TTC23: variants seen among roughly 807,000 people sequenced by gnomAD.
The protein encoded by TTC23 is tetratricopeptide repeat protein 23.
In TTC23, 58 loss-of-function variants were observed where a neutral mutation model predicts 55.1. The observed-to-expected ratio is 1.05, with a 90% CI of 0.85 to 1.31. TTC23 has a LOEUF of 1.31. TTC23 is among the 50% of genes most tolerant of loss of function. The pLI, the probability that TTC23 is intolerant of heterozygous loss-of-function variation, is 0.00. For synonymous variants in TTC23, 203 were observed against 199.9 expected (o/e 1.02, Z -0.13); for missense variants, 516 against 534.4 (o/e 0.97, Z 0.34).
chr15:99,194,552 CAAAA>C (rs760038465), intron 9 of TTC23, among the ~76,000 whole-genome samples: 2 of 40,452 alleles, frequency 4.9e-5, no homozygotes, highest in African/African-American at 1.8e-4. Flanking sequence ...ACATCACGTG[CAAAA>C]AAAAAAAAAA....
At chr15:99,146,022 T>C (rs1455978556) in intron 12 of TTC23, among the ~76,000 whole-genome samples, 1 of 152,210 alleles carries the variant, frequency 6.6e-6, no homozygotes, top group Admixed American at 6.5e-5. Context: ...CACCTCCAGG[T>C]TGCCAAGTCC....
At chr15:99,244,775 G>C (rs2080098976) in intron 2 of TTC23, among the ~76,000 whole-genome samples, 1 of 152,010 alleles carries the variant, frequency 6.6e-6, no homozygotes, top group Admixed American at 6.6e-5. Context: ...TTAACAAGTT[G>C]ATCCTTATTA....
intron 3 of TTC23, among the ~76,000 whole-genome samples, chr15:99,237,898 T>A (rs1243301494): frequency 6.6e-6 from 1 of 152,170 alleles, no homozygotes; most frequent in Admixed American, 6.5e-5. Flanking sequence ...CTCTTCAAAC[T>A]CCAATTCCAT....
intron 9 of TTC23, among the ~76,000 whole-genome samples, chr15:99,179,231 AC>A (rs2151941331): frequency 6.6e-6 from 1 of 151,988 alleles, no homozygotes; most frequent in South Asian, 2.1e-4. Flanking sequence ...CACACTCCAG[AC>A]CTCATCATCG....
chr15:99,214,233 T>C (rs2077266511), intron 8 of TTC23, among the ~76,000 whole-genome samples: 1 of 151,336 alleles, frequency 6.6e-6, no homozygotes, highest in Non-Finnish European at 1.5e-5. Flanking sequence ...CCCGGCCGGG[T>C]GCGGTGGCTC....
At chr15:99,219,310 C>G (rs1029076929) in intron 6 of TTC23, among the ~76,000 whole-genome samples, 2 of 152,138 alleles carry the variant, frequency 1.3e-5, no homozygotes, top group Admixed American at 6.5e-5. Context: ...GCTTTGAAAC[C>G]TCACCAATAG....
At chr15:99,250,804 G>A (rs1248124413), upstream of TTC23, among the ~76,000 whole-genome samples, 1 of 152,226 alleles carries the variant, frequency 6.6e-6, no homozygotes, top group African/African-American at 2.4e-5. Flanking sequence ...TTGAAGGGCA[G>A]AGACTAGGTT....
At position 99,221,832 on chromosome 15, in the gene TTC23, G is replaced by GC; in HGVS notation, c.212dup (p.Cys71TrpfsTer22). 1.2e-6 allele frequency: 2 copies of GC among 1,614,118 alleles called. No individual in the cohort carries two copies. The highest frequency in any genetic ancestry group is 1.7e-6 in the Non-Finnish European group (2 of 1,180,016). ...CATAGCAAATTCTTGTCAGTGCTAC[G>GC]CAACGCACAAGCTCATGGACGGCCT... is the stretch of plus-strand genomic sequence containing the variant. On this transcript the variant is annotated frameshift_variant, in exon 6 of 14. Coordinates refer to ENST00000394132, the MANE Select transcript of TTC23 (RefSeq NM_001288615.3). LOFTEE classifies it high-confidence loss of function.
At chr15:99,153,585 A>G (rs534454407) in intron 12 of TTC23, among the ~76,000 whole-genome samples, 5 of 152,350 alleles carry the variant, frequency 3.3e-5, no homozygotes, top group Admixed American at 3.3e-4. Flanking sequence ...AATTAATGTA[A>G]TGAAAACATA....
chr15:99,136,541 G>A lies in TTC23; in HGVS notation c.*1469C>T, dbSNP rs2067604706. Reference sequence around the variant, plus strand: ...TCTTCTCACTGTGTCCTCACATGGTGGAGAGAGAGATCATCTCTCTGGTGT... The same window carrying A: ...TCTTCTCACTGTGTCCTCACATGGTAGAGAGAGAGATCATCTCTCTGGTGT... On this transcript the variant is annotated 3_prime_UTR_variant, in exon 14 of 14. Transcript: ENST00000394132. 6.6e-6 allele frequency: 1 copy of A among 152,172 alleles called. No homozygotes were observed. Among genetic ancestry groups the A allele is most frequent in the Non-Finnish European group, 1.5e-5 (1 of 68,042 alleles). The allele number at this position is 152,172 out of a possible 1,614,324, so 9.4% of individuals were successfully genotyped here.
chr15:99,178,761 G>A (rs1251396481), intron 9 of TTC23, among the ~76,000 whole-genome samples: 1 of 152,204 alleles, frequency 6.6e-6, no homozygotes. Flanking sequence ...CAATCAGGCA[G>A]GAAAGAGATG....
chr15:99,148,581 AGT>A (rs2151857432), intron 12 of TTC23: 1 of 152,190 alleles, frequency 6.6e-6, no homozygotes, highest in Non-Finnish European at 1.5e-5. Context: ...TGCTGAAGAT[AGT>A]ACCTAATACG....
intron 3 of TTC23, among the ~76,000 whole-genome samples, chr15:99,240,693 T>C (rs935170076): frequency 6.6e-6 from 1 of 152,238 alleles, no homozygotes; most frequent in African/African-American, 2.4e-5. Flanking sequence ...TAGGTCTCTG[T>C]ATCCATTTCT....
chr15:99,179,177 C>T (rs1341248283), intron 9 of TTC23, among the ~76,000 whole-genome samples: 2 of 152,342 alleles, frequency 1.3e-5, no homozygotes, highest in South Asian at 2.1e-4. Context: ...AGGTTTCTGA[C>T]AAACTTACTT....
intron 10 of TTC23, among the ~76,000 whole-genome samples, chr15:99,163,779 G>A (rs1596339946): frequency 6.6e-6 from 1 of 152,290 alleles, no homozygotes; most frequent in East Asian, 1.9e-4. Flanking sequence ...TCCACCCTGT[G>A]AGGACACAGT....
chr15:99,196,515 C>A (rs756782564), intron 9 of TTC23, among the ~76,000 whole-genome samples: 1 of 152,090 alleles, frequency 6.6e-6, no homozygotes, highest in Non-Finnish European at 1.5e-5. Flanking sequence ...TAAATGTTGC[C>A]GTGAGCCACA....
intron 5 of TTC23, among the ~76,000 whole-genome samples, chr15:99,227,232 G>C (rs556839514): frequency 3.3e-5 from 5 of 152,254 alleles, no homozygotes; most frequent in African/African-American, 4.8e-5. Context: ...TCATGGACAA[G>C]TCTCCAATCA....
Position 99,137,768 on chromosome 15 carries a change from C to A in TTC23, c.*242G>T. 3 of 553,394 alleles carry A rather than the reference C, an allele frequency of 5.4e-6. No individual in the cohort carries two copies. The highest frequency in any genetic ancestry group is 9.1e-6 in the Non-Finnish European group (3 of 328,164). The allele number at this position is 553,394 out of a possible 1,614,324, so 34.3% of individuals were successfully genotyped here. Reference sequence around the variant, plus strand: ...GCTGATGGGTAAAAATTCTTGTTGGCAAGAAAAACCACTTAGGTGATAGAA... The same window carrying A: ...GCTGATGGGTAAAAATTCTTGTTGGAAAGAAAAACCACTTAGGTGATAGAA... On this transcript the variant is annotated 3_prime_UTR_variant, in exon 14 of 14. Transcript: ENST00000394132.
At chr15:99,175,018 G>T (rs745688301) in intron 10 of TTC23, 32 bp downstream of exon 10, 1 of 1,605,178 alleles carries the variant, frequency 6.2e-7, no homozygotes, top group East Asian at 2.2e-5. Flanking sequence ...CCAGATGCCT[G>T]TGAGACAGGA....
Sources: allele counts gnomAD v4.1 joint callset (sites outside exome capture counted in the v4.1 genomes callset), GRCh38; gene constraint gnomAD v4.1.1; transcripts MANE v1.5; gene names NCBI Gene and HGNC (gene_info 2026-07-23, HGNC 2026-07-21).